Variants in TFEB observed in about 807,000 individuals in gnomAD.
TFEB encodes transcription factor EB.
In TFEB, 12 loss-of-function variants were observed where a neutral mutation model predicts 48.0. The observed-to-expected ratio is 0.25, with a 90% CI of 0.16 to 0.40. The LOEUF (loss-of-function observed/expected upper bound fraction) is 0.40, where lower values mean the gene tolerates loss of function less well. TFEB is among the 10% of genes least tolerant of loss of function. The pLI, the probability that TFEB is intolerant of heterozygous loss-of-function variation, is 1.00. For missense variants in TFEB, 509 were observed against 640.3 expected (o/e 0.79, Z 2.21); for synonymous variants, 244 against 261.4 (o/e 0.93, Z 0.64).
intron 1 of TFEB, among the ~76,000 whole-genome samples, chr6:41,695,105 G>C (rs7761800): frequency 0.54 from 81,806 of 152,130 alleles, 22,780 homozygotes; most frequent in African/African-American, 0.69. Flanking sequence ...CTGGCTAGGC[G>C]ACTTCAGAAA....
chr6:41,714,979 C>T (rs1193481732), intron 1 of TFEB, among the ~76,000 whole-genome samples: 1 of 152,200 alleles, frequency 6.6e-6, no homozygotes, highest in Non-Finnish European at 1.5e-5. Context: ...CATTTTCAGA[C>T]AAAGTCGGCC....
At chr6:41,688,305 A>C (rs867170929) in intron 4 of TFEB, 9 of 389,710 alleles carry the variant, frequency 2.3e-5, no homozygotes, top group Middle Eastern at 6.6e-4. Context: ...GGCATTATGG[A>C]AGCCCTAGAG....
In TFEB at chr6:41,730,122, GA is replaced by G. The variant is rs11478857; in HGVS notation, c.-23+5227del. 0.46 allele frequency among the ~76,000 whole-genome samples: 67,941 copies of G among 149,236 alleles called. 17,407 individuals carry two copies. Among genetic ancestry groups the G allele is most frequent in the Non-Finnish European group, 0.59 (39,574 of 67,394 alleles). On this transcript the variant is annotated intron_variant, in intron 1 of 8. Transcript: ENST00000373033. The surrounding 1 kb of genome is among the most constrained non-coding windows in gnomAD (Gnocchi z 4.1). ...GAGAAAGGGCATTGGAATCATCCCA[GA>G]AAAAAAAAAAATTAAATAAAGATGC...
chr6:41,715,219 A>G (rs1770682878), intron 1 of TFEB, among the ~76,000 whole-genome samples: 1 of 152,100 alleles, frequency 6.6e-6, no homozygotes, highest in African/African-American at 2.4e-5. Flanking sequence ...AGTCTGGAGG[A>G]AGCAGGGAGT....
In TFEB at chr6:41,720,355, C is replaced by T. The variant is rs1320018624; in HGVS notation, c.-23+14995G>A. ...GCCATGGGTCACAGGCTTCTCCTCC[C>T]ACTGCCCTAGGTCACAGGGTAGGGA... On this transcript the variant is annotated intron_variant, in intron 1 of 8. Coordinates refer to ENST00000373033, the MANE Select transcript of TFEB (RefSeq NM_001271944.2). This position sits in a 1 kb window ranked among gnomAD's most constrained non-coding sequence, Gnocchi z 4.1. 3 of 152,254 alleles carry T rather than the reference C, an allele frequency of 2.0e-5. No homozygotes were observed. Among genetic ancestry groups the T allele is most frequent in the Non-Finnish European group, 4.4e-5 (3 of 68,098 alleles). The allele number at this position is 152,254 out of a possible 1,614,324, so 9.4% of individuals were successfully genotyped here.
chr6:41,725,002 C>T (rs766225412), intron 1 of TFEB, among the ~76,000 whole-genome samples: 9 of 152,236 alleles, frequency 5.9e-5, no homozygotes, highest in Admixed American at 2.6e-4. Flanking sequence ...CCCCAAAATG[C>T]CTGCACATTC....
rs867783123 is a variant in TFEB at position 41,691,889 on chromosome 6, C to T, written c.-22-654G>A. Among the ~76,000 whole-genome samples, 12 of 152,208 alleles carry T rather than the reference C, an allele frequency of 7.9e-5. No homozygotes were observed. The South Asian group carries it at 2.5e-3, about 32-fold the overall frequency. On this transcript the variant is annotated intron_variant, in intron 1 of 8. Transcript: ENST00000373033. This position sits in a 1 kb window ranked among gnomAD's most constrained non-coding sequence, Gnocchi z 5.2. ...GCTCTCCCTCTTGTTTTATCTGCTC[C>T]GGCTACATCCTCCAGGCACTTTGAA... is the stretch of plus-strand genomic sequence containing the variant.
intron 1 of TFEB, among the ~76,000 whole-genome samples, chr6:41,729,060 GCGGGCTCAGACACCAATCTCGCCCCCAC>G (rs1771339696): frequency 6.6e-6 from 1 of 151,932 alleles, no homozygotes; most frequent in Non-Finnish European, 1.5e-5. Flanking sequence ...CTGAGGACTG[GCGGGCTCAGACACCAATCTCGCCCCCAC>G]TCCCGGCCCC....
At chr6:41,687,275 C>T (rs975001344) in intron 6 of TFEB, 106 bp from the exon 7 acceptor site, 5 of 960,182 alleles carry the variant, frequency 5.2e-6, no homozygotes, top group Non-Finnish European at 8.3e-6. Flanking sequence ...CAGCCTGCAG[C>T]TTAGATTTAG....
intron 1 of TFEB, among the ~76,000 whole-genome samples, chr6:41,722,134 C>G (rs1377331101): frequency 6.6e-6 from 1 of 152,162 alleles, no homozygotes; most frequent in Admixed American, 6.5e-5. Context: ...CACATGCCAC[C>G]ATGCCCAGCT....
At chr6:41,696,498 G>C (rs1236161792) in intron 1 of TFEB, among the ~76,000 whole-genome samples, 1 of 152,068 alleles carries the variant, frequency 6.6e-6, no homozygotes, top group East Asian at 1.9e-4. Flanking sequence ...TTCGAAGCCA[G>C]CCTGGCCAAC....
At chr6:41,690,415 C>T (rs1213084820) in intron 3 of TFEB, among the ~76,000 whole-genome samples, 2 of 152,252 alleles carry the variant, frequency 1.3e-5, no homozygotes, top group African/African-American at 2.4e-5. Flanking sequence ...CAGGCGTGAG[C>T]CACGGCACCT....
chr6:41,730,186 T>C lies in TFEB; in HGVS notation c.-23+5164A>G, dbSNP rs189981339. On this transcript the variant is annotated intron_variant, in intron 1 of 8. Transcript: ENST00000373033. This position sits in a 1 kb window ranked among gnomAD's most constrained non-coding sequence, Gnocchi z 4.1. ...CCAAGAGATTCAGATGCAATGGTGTTGTCTAAGAGTTCCGCAGGTGATCAT... is the reference window on the plus strand; with the variant it reads ...CCAAGAGATTCAGATGCAATGGTGTCGTCTAAGAGTTCCGCAGGTGATCAT... Among the ~76,000 whole-genome samples the C allele has an allele frequency of 7.9e-5, 12 of 152,172 alleles. No individual in the cohort carries two copies. The highest frequency in any genetic ancestry group is 5.9e-4 in the Admixed American group (9 of 15,294).
chr6:41,686,675 C>T, intron 7 of TFEB: 1 of 255,584 alleles, frequency 3.9e-6, no homozygotes, highest in South Asian at 5.9e-5. Flanking sequence ...ACCACTGTGC[C>T]CAGCTAAGTT....
chr6:41,717,271 C>T (rs1236982663), intron 1 of TFEB, among the ~76,000 whole-genome samples: 1 of 152,182 alleles, frequency 6.6e-6, no homozygotes, highest in African/African-American at 2.4e-5. Flanking sequence ...CAGACATCAA[C>T]TGTGGCCGGG....
chr6:41,702,566 C>T (rs1769991527), intron 1 of TFEB, among the ~76,000 whole-genome samples: 1 of 152,114 alleles, frequency 6.6e-6, no homozygotes, highest in Non-Finnish European at 1.5e-5. Flanking sequence ...AGCGAACCTG[C>T]TCATGTCCCC....
chr6:41,720,024 C>A lies in TFEB; in HGVS notation c.-23+15326G>T. 6.6e-6 allele frequency among the ~76,000 whole-genome samples: 1 copy of A among 152,176 alleles called. No individual in the cohort carries two copies. The highest frequency in any genetic ancestry group is 1.9e-4 in the East Asian group (1 of 5,198). On this transcript the variant is annotated intron_variant, in intron 1 of 8. Transcript: ENST00000373033. This position sits in a 1 kb window ranked among gnomAD's most constrained non-coding sequence, Gnocchi z 4.1. Reference sequence around the variant, plus strand: ...GCACAGCGCTGGCACACAGGAGTGCCAATATATGTGACCTGTCATTAAACA... The same window carrying A: ...GCACAGCGCTGGCACACAGGAGTGCAAATATATGTGACCTGTCATTAAACA...
intron 4 of TFEB, 68 bp from the exon 5 acceptor site, chr6:41,688,096 T>C (rs1412654793): frequency 1.3e-6 from 2 of 1,551,478 alleles, no homozygotes; most frequent in Non-Finnish European, 1.7e-6. Flanking sequence ...CTCTAGGGCC[T>C]ATCATCCCAG....
intron 1 of TFEB, chr6:41,733,040 G>A: frequency 1.0e-6 from 1 of 985,500 alleles, no homozygotes; most frequent in Non-Finnish European, 1.2e-6. Flanking sequence ...GGGGGCAGGT[G>A]CTAAGTAACT....
Sources: gnomAD v4.1 joint callset for allele counts (sites outside exome capture counted in the v4.1 genomes callset) on GRCh38, gnomAD v4.1.1 for gene constraint, Gnocchi (gnomAD v3.1) non-coding constraint, MANE v1.5 for transcripts, NCBI Gene and HGNC (gene_info 2026-07-23, HGNC 2026-07-21) for gene names.